The following RAB11FIP3 variants were observed in gnomAD, a reference collection of about 807,000 sequenced individuals.
RAB11FIP3 encodes the protein rab11 family-interacting protein 3.
In RAB11FIP3, 17 loss-of-function variants were observed where a neutral mutation model predicts 77.8. The ratio of observed to expected loss-of-function variants is 0.22; its 90% CI spans 0.15 to 0.33. The LOEUF is 0.33. Ranked by LOEUF, RAB11FIP3 falls within the 10% of genes least tolerant of loss-of-function variation. The probability of loss-of-function intolerance (pLI) is 1.00; values close to 1 mark genes in which losing one functional copy is unlikely to be tolerated. For synonymous variants in RAB11FIP3, 437 were observed against 448.2 expected (o/e 0.98, Z 0.31); for missense variants, 1,005 against 1,011.2 (o/e 0.99, Z 0.08).
At position 426,709 on chromosome 16, in the gene RAB11FIP3, G is replaced by A; in HGVS notation, c.703G>A (p.Gly235Arg). Residue 235 changes from glycine to arginine, a missense_variant, in exon 1 of 14, where the codon GGG (glycine) becomes AGG (arginine). Transcript: ENST00000262305. This position sits in a 1 kb window ranked among gnomAD's most constrained non-coding sequence, Gnocchi z 5.0. ...CTTCATCCAGTTTGCTACGGTCTACGGGGCAGAGCAGGTACGGAGCGGCCC... is the reference window on the plus strand; with the variant it reads ...CTTCATCCAGTTTGCTACGGTCTACAGGGCAGAGCAGGTACGGAGCGGCCC... ...EDFIQFATVY[G>R]AEQVKDLTKY... The A allele has an allele frequency of 6.6e-7, 1 of 1,508,418 alleles. No homozygotes were observed. Among genetic ancestry groups the A allele is most frequent in the South Asian group, 1.3e-5 (1 of 75,938 alleles). 93.4% of individuals were successfully genotyped at this position (1,508,418 alleles called of 1,614,324 possible). A position where few individuals can be genotyped will look rare whatever the true frequency, so the allele number is the denominator to read the frequency against.
intron 9 of RAB11FIP3, among the ~76,000 whole-genome samples, chr16:512,991 C>T (rs2032254879): frequency 6.6e-6 from 1 of 152,056 alleles, no homozygotes; most frequent in Non-Finnish European, 1.5e-5. Context: ...GAGGCACAAG[C>T]ATTAAAGCAG....
At chr16:457,335 C>A (rs182875274) in intron 1 of RAB11FIP3, among the ~76,000 whole-genome samples, 75 of 152,186 alleles carry the variant, frequency 4.9e-4, no homozygotes, top group African/African-American at 1.6e-3. Flanking sequence ...CTGCAGTCAC[C>A]CTGGAGCCAG....
intron 1 of RAB11FIP3, among the ~76,000 whole-genome samples, chr16:429,002 G>A (rs1462070910): frequency 6.6e-6 from 1 of 152,114 alleles, no homozygotes; most frequent in Non-Finnish European, 1.5e-5. Flanking sequence ...CTCCTTGTCT[G>A]TTCTTCTAGA....
intron 1 of RAB11FIP3, among the ~76,000 whole-genome samples, chr16:438,557 C>T (rs1397129379): frequency 1.3e-5 from 2 of 149,748 alleles, no homozygotes; most frequent in African/African-American, 2.5e-5. Flanking sequence ...AGGTGCACGC[C>T]ACCACGCCTG....
Position 492,359 on chromosome 16 carries a change from GT to G in RAB11FIP3, c.1265+3360del, listed in dbSNP as rs1165084977. ...AAAGCAGAAGTGCTCTTTGAAGAGG[GT>G]CTTCCCGGGAGACCCGAGGCCGCCC... is the stretch of plus-strand genomic sequence containing the variant. On this transcript the variant is annotated intron_variant, in intron 5 of 13. Coordinates refer to ENST00000262305, the MANE Select transcript of RAB11FIP3 (RefSeq NM_014700.4). 9.5e-3 allele frequency among the ~76,000 whole-genome samples: 396 copies of G among 41,904 alleles called. 26 individuals carry two copies. Among genetic ancestry groups the G allele is most frequent in the African/African-American group, 0.061 (374 of 6,132 alleles). 27.5% of individuals were successfully genotyped at this position (41,904 alleles called of 152,430 possible).
At chr16:492,205 C>T (rs1370283114) in intron 5 of RAB11FIP3, among the ~76,000 whole-genome samples, 2 of 152,200 alleles carry the variant, frequency 1.3e-5, no homozygotes, top group African/African-American at 2.4e-5. Flanking sequence ...CTTAACTCTT[C>T]TTATGTTCTG....
intron 4 of RAB11FIP3, among the ~76,000 whole-genome samples, chr16:487,409 A>G (rs1362848217): frequency 6.6e-6 from 1 of 152,132 alleles, no homozygotes; most frequent in Non-Finnish European, 1.5e-5. Flanking sequence ...GGTGTGAGCC[A>G]CCGCCCCCGG....
chr16:501,067 G>T (rs1338615128), intron 6 of RAB11FIP3, among the ~76,000 whole-genome samples: 2 of 152,222 alleles, frequency 1.3e-5, no homozygotes, highest in African/African-American at 4.8e-5. Flanking sequence ...TGTTCCAGCT[G>T]GTGCACGTTC....
At chr16:449,417 T>A (rs967285496) in intron 1 of RAB11FIP3, among the ~76,000 whole-genome samples, 1 of 152,104 alleles carries the variant, frequency 6.6e-6, no homozygotes, top group African/African-American at 2.4e-5. Context: ...TTCAACCACA[T>A]GGTCCTCCCA....
rs768624425 is a variant in RAB11FIP3, at chr16:519,828, A to G, written c.1797A>G (p.Arg599=). 1.2e-5 allele frequency: 20 copies of G among 1,604,802 alleles called. No individual in the cohort carries two copies. Among genetic ancestry groups the G allele is most frequent in the South Asian group, 4.5e-5 (4 of 89,448 alleles). ...GTGAAGAGCAGGAGAACAAGAGGAGAATGGGGGACAGGCTGAGTCACGAGA... is the reference window on the plus strand; with the variant it reads ...GTGAAGAGCAGGAGAACAAGAGGAGGATGGGGGACAGGCTGAGTCACGAGA... ...RLSEEQENKR[R]MGDRLSHERH... Residue 599 remains arginine, a synonymous_variant, in exon 11 of 14, where the codon AGA becomes AGG. Transcript: ENST00000262305.
intron 1 of RAB11FIP3, among the ~76,000 whole-genome samples, chr16:447,418 A>C (rs924975948): frequency 6.6e-6 from 1 of 152,136 alleles, no homozygotes; most frequent in African/African-American, 2.4e-5. Flanking sequence ...ACAGGTGTGC[A>C]CCACTGCACC....
At position 507,645 on chromosome 16, in the gene RAB11FIP3, G is replaced by C. The variant is rs966895984; in HGVS notation, c.1499+2018G>C. Among the ~76,000 whole-genome samples the C allele has an allele frequency of 2.0e-5, 3 of 152,216 alleles. No homozygotes were observed. Among genetic ancestry groups the C allele is most frequent in the Admixed American group, 6.5e-5 (1 of 15,288 alleles). ...TGGTGTGAAGTCCACACTGCCGCCT[G>C]GCACCACCCACTGACCGTCTGCAGT... On this transcript the variant is annotated intron_variant, in intron 8 of 13. Coordinates refer to ENST00000262305, the MANE Select transcript of RAB11FIP3 (RefSeq NM_014700.4). This position sits in a 1 kb window ranked among gnomAD's most constrained non-coding sequence, Gnocchi z 4.6.
Position 510,846 on chromosome 16 carries a change from G to A in RAB11FIP3, c.1640+46G>A, listed in dbSNP as rs200360206. 247 of 1,595,200 alleles carry A rather than the reference G, an allele frequency of 1.5e-4. No homozygotes were observed. The African/African-American group carries it at 3.1e-3, about 20-fold the overall frequency. On this transcript the variant is annotated intron_variant, in intron 9 of 13. Transcript: ENST00000262305. ...CATCCACCCCAGAACCTGCAGGCCA[G>A]GTAGGAGACGGTCCCCAACAGCCCG... is the stretch of plus-strand genomic sequence containing the variant.
rs1156614079 is a variant in RAB11FIP3, at chr16:510,463, T to C, written c.1500-197T>C. 47 of 593,286 alleles carry C rather than the reference T, an allele frequency of 7.9e-5. 1 individual carries two copies. Among genetic ancestry groups the C allele is most frequent in the South Asian group, 2.1e-4 (10 of 47,166 alleles). 36.8% of individuals were successfully genotyped at this position (593,286 alleles called of 1,614,324 possible). A position where few individuals can be genotyped will look rare whatever the true frequency, so the allele number is the denominator to read the frequency against. ...CTCCGGCCACCCCAGGTGCCTTTAG[T>C]GTGGGAGGCGAGGCCATCTGGGGGT... On this transcript the variant is annotated intron_variant, in intron 8 of 13. Transcript: ENST00000262305.
rs968672774 is a variant in RAB11FIP3 at position 468,359 on chromosome 16, T to A, written c.809-2936T>A. Among the ~76,000 whole-genome samples the A allele has an allele frequency of 3.4e-5, 5 of 148,466 alleles. No individual in the cohort carries two copies. The Admixed American group carries it at 3.4e-4, about 10-fold the overall frequency. On this transcript the variant is annotated intron_variant, in intron 2 of 13. Transcript: ENST00000262305. ...GCCATGGCATTGGACACATGGCCTC[T>A]GGGGCTGCGGGGTCTGCTTTACTTT...
Position 503,094 on chromosome 16 carries a change from C to G in RAB11FIP3, c.1392C>G (p.Asp464Glu). 1 of 1,610,024 alleles carries G rather than the reference C, an allele frequency of 6.2e-7. No individual in the cohort carries two copies. The highest frequency in any genetic ancestry group is 8.5e-7 in the Non-Finnish European group (1 of 1,177,284). ...LMEGPEEDIADKVVFLERRVL... is the reference protein window; with the variant it reads ...LMEGPEEDIAEKVVFLERRVL... ...AGGGCCCAGAGGAGGACATTGCTGA[C>G]AAGGTAGGCCCTGGAGGGCTGGGTA... Residue 464 changes from aspartate (D) to glutamate (E), a missense_variant, in exon 7 of 14, where the codon GAC (aspartate) becomes GAG (glutamate). By Grantham distance (45) the Asp-to-Glu change is conservative. Coordinates refer to ENST00000262305, the MANE Select transcript of RAB11FIP3 (RefSeq NM_014700.4).
rs2054938415 is a variant in RAB11FIP3 at position 426,204 on chromosome 16, C to T, written c.198C>T (p.Gly66=). Residue 66 remains glycine, a synonymous_variant, in exon 1 of 14, where the codon GGC becomes GGT. Coordinates refer to ENST00000262305, the MANE Select transcript of RAB11FIP3 (RefSeq NM_014700.4). The surrounding 1 kb of genome is among the most constrained non-coding windows in gnomAD (Gnocchi z 5.0). ...DEPAPGAAAD[G]GARWSAGPAP... is the part of the protein sequence containing the mutation. ...CTGCGCCCGGGGCCGCTGCAGATGG[C>T]GGGGCGCGTTGGAGCGCCGGGCCGG... 2.9e-6 allele frequency: 3 copies of T among 1,018,768 alleles called. No individual in the cohort carries two copies. Among genetic ancestry groups the T allele is most frequent in the South Asian group, 8.9e-5 (2 of 22,460 alleles). 63.1% of individuals were successfully genotyped at this position (1,018,768 alleles called of 1,614,324 possible).
intron 9 of RAB11FIP3, among the ~76,000 whole-genome samples, chr16:517,306 C>T (rs1048827116): frequency 1.3e-5 from 2 of 152,156 alleles, no homozygotes; most frequent in South Asian, 4.1e-4. Flanking sequence ...CGGTGGCTCA[C>T]ACCTGTAATC....
intron 5 of RAB11FIP3, among the ~76,000 whole-genome samples, chr16:494,077 T>G (rs1453272969): frequency 3.8e-5 from 1 of 26,410 alleles, no homozygotes. Flanking sequence ...CTAACTTTTG[T>G]ATTTTTAGTA....
Sources: allele counts gnomAD v4.1 joint callset (sites outside exome capture counted in the v4.1 genomes callset), GRCh38; gene constraint gnomAD v4.1.1; non-coding constraint Gnocchi (gnomAD v3.1); transcripts MANE v1.5; gene names NCBI Gene and HGNC (gene_info 2026-07-23, HGNC 2026-07-21).